Variants in PLIN2 observed in about 807,000 individuals in gnomAD.
PLIN2 encodes the protein perilipin-2.
A neutral mutation model predicts 30.6 loss-of-function variants in PLIN2; 33 were observed. That is an observed-to-expected ratio of 1.08 (90% CI 0.82 to 1.44). The LOEUF is 1.44. Ranked by LOEUF, PLIN2 falls within the 40% of genes most tolerant of loss-of-function variation. The probability of loss-of-function intolerance (pLI) is 0.00; values close to 1 mark genes in which losing one functional copy is unlikely to be tolerated. For missense variants in PLIN2, 610 were observed against 531.8 expected, an observed-to-expected ratio of 1.15 and a Z score of -1.45; for synonymous variants, 205 against 201.1, an observed-to-expected ratio of 1.02 and a Z score of -0.16.
chr9:19,123,456 G>C (rs1288741936), intron 4 of PLIN2, 109 bp downstream of exon 4: 1 of 1,574,826 alleles, frequency 6.3e-7, no homozygotes, highest in African/African-American at 1.3e-5. Context: ...CCAGATCCAG[G>C]TTGGGAAAAC....
chr9:19,108,828 A>C (rs1818124032), intron 2 of PLIN2: 1 of 152,586 alleles, frequency 6.6e-6, no homozygotes, highest in South Asian at 2.1e-4. Flanking sequence ...TGGAGACTTT[A>C]GTGCATGTAG....
At chr9:19,109,540 G>GA (rs34665873) in intron 2 of PLIN2, among the ~76,000 whole-genome samples, 91,471 of 127,372 alleles carry the variant, frequency 0.72, 32,398 homozygotes, top group Non-Finnish European at 0.75. Context: ...GACTCTGTCT[G>GA]AAAAAAAAAA....
rs1345672610 is a variant in PLIN2 at position 19,127,386 on chromosome 9, G to C, written c.-23+33C>G. On this transcript the variant is annotated intron_variant, in intron 1 of 7. Transcript: ENST00000276914. This position sits in a 1 kb window ranked among gnomAD's most constrained non-coding sequence, Gnocchi z 4.3. ...GGGCGCCGCTGGGGGCCCGGGACCG[G>C]TTCGCTGGGGCACCCACTGGGCGCG... The C allele has an allele frequency of 6.6e-6, 1 of 152,328 alleles. No homozygotes were observed. The highest frequency in any genetic ancestry group is 1.5e-5 in the Non-Finnish European group (1 of 68,168). 9.4% of individuals were successfully genotyped at this position (152,328 alleles called of 1,614,324 possible). A position where few individuals can be genotyped will look rare whatever the true frequency, so the allele number is the denominator to read the frequency against.
chr9:19,114,565 G>C (rs575212870), downstream of PLIN2, among the ~76,000 whole-genome samples: 1 of 152,048 alleles, frequency 6.6e-6, no homozygotes, highest in Non-Finnish European at 1.5e-5. Flanking sequence ...CACCAGGCCA[G>C]GCTAATTTTT....
intron 7 of PLIN2, among the ~76,000 whole-genome samples, chr9:19,117,275 C>G (rs1818243207): frequency 6.6e-6 from 1 of 152,054 alleles, no homozygotes; most frequent in African/African-American, 2.4e-5. Context: ...ATCCTCCCAC[C>G]TCAGCCTCTC....
rs751331606 is a variant in PLIN2 at position 19,119,794 on chromosome 9, A to T, written c.633T>A (p.Val211=). Residue 211 remains valine (V), a synonymous_variant, in exon 6 of 8, where the codon GTT becomes GTA. Transcript: ENST00000276914. ...GTCTAACATAATAACTTGGCTTCTG[A>T]ACCAGATCAAATCCTTCAACTTTTT... is the stretch of plus-strand genomic sequence containing the variant. ...EAKKVEGFDL[V]QKPSYYVRLG... 6.3e-7 allele frequency: 1 copy of T among 1,588,186 alleles called. No homozygotes were observed. The highest frequency in any genetic ancestry group is 1.1e-5 in the South Asian group (1 of 87,780).
intron 5 of PLIN2, 136 bp downstream of exon 5, chr9:19,120,744 G>T: frequency 1.5e-6 from 1 of 670,310 alleles, no homozygotes; most frequent in Non-Finnish European, 2.6e-6. Flanking sequence ...TGGGGTAGCA[G>T]AAGTGTTCTG....
chr9:19,116,465 A>T lies in PLIN2; in HGVS notation c.1097T>A (p.Val366Glu), dbSNP rs1818225687. Reference protein sequence around the residue: ...VFRNAASFKEVSDSLLTSSKG... With the variant: ...VFRNAASFKEESDSLLTSSKG... Reference sequence around the variant, plus strand: ...GCTAGAAGTGAGGAGGCTGTCAGACACTTCTTTAAAGGAGGCAGCATTGCG... The same window carrying T: ...GCTAGAAGTGAGGAGGCTGTCAGACTCTTCTTTAAAGGAGGCAGCATTGCG... The change falls in exon 8 of 8, where the codon GTG (valine) becomes GAG (glutamate). Residue 366 changes from valine to glutamate, a missense_variant. Physicochemically the swap from Val to Glu is moderately radical, Grantham distance 121. Coordinates refer to ENST00000276914, the MANE Select transcript of PLIN2 (RefSeq NM_001122.4). 2 of 1,614,162 alleles carry T rather than the reference A, an allele frequency of 1.2e-6. No homozygotes were observed. Among genetic ancestry groups the T allele is most frequent in the Non-Finnish European group, 1.7e-6 (2 of 1,180,016 alleles).
chr9:19,110,240 C>T (rs1459401588), intron 2 of PLIN2, among the ~76,000 whole-genome samples: 9 of 151,884 alleles, frequency 5.9e-5, no homozygotes, highest in African/African-American at 1.9e-4. Context: ...GTTGGCCAGG[C>T]TGGTCTCGAA....
chr9:19,121,761 G>T (rs1474421395), intron 4 of PLIN2, among the ~76,000 whole-genome samples: 1 of 152,012 alleles, frequency 6.6e-6, no homozygotes, highest in Admixed American at 6.6e-5. Context: ...GTGAAACCCC[G>T]TCTCTACTAA....
chr9:19,121,748 A>G (rs1212090481), intron 4 of PLIN2, among the ~76,000 whole-genome samples: 2 of 152,198 alleles, frequency 1.3e-5, no homozygotes, highest in African/African-American at 2.4e-5. Context: ...CCTCACCAAC[A>G]TGGTGAAACC....
chr9:19,116,211 T>C lies in PLIN2; in HGVS notation c.*37A>G. On this transcript the variant is annotated 3_prime_UTR_variant, in exon 8 of 8. Coordinates refer to ENST00000276914, the MANE Select transcript of PLIN2 (RefSeq NM_001122.4). ...TTTCAACATAACAAAAGGTGTCATCTGTCTGGCCACAGCATGCACTAGTGA... is the reference window on the plus strand; with the variant it reads ...TTTCAACATAACAAAAGGTGTCATCCGTCTGGCCACAGCATGCACTAGTGA... The C allele has an allele frequency of 2.0e-6, 3 of 1,517,392 alleles. No individual in the cohort carries two copies. Among genetic ancestry groups the C allele is most frequent in the African/African-American group, 1.4e-5 (1 of 71,966 alleles). 94.0% of individuals were successfully genotyped at this position (1,517,392 alleles called of 1,614,324 possible).
intron 1 of PLIN2, among the ~76,000 whole-genome samples, chr9:19,126,802 G>A (rs1035328590): frequency 6.6e-6 from 1 of 152,334 alleles, no homozygotes; most frequent in Non-Finnish European, 1.5e-5. Flanking sequence ...AGCACTTTGG[G>A]AGGCCGAGGG....
At chr9:19,122,437 G>A (rs934621244) in intron 4 of PLIN2, among the ~76,000 whole-genome samples, 6 of 151,834 alleles carry the variant, frequency 4.0e-5, no homozygotes, top group African/African-American at 1.5e-4. Flanking sequence ...AGTAGTCAGT[G>A]TAGTCATGCT....
downstream of PLIN2, among the ~76,000 whole-genome samples, chr9:19,114,372 T>C (rs1255355121): frequency 2.6e-5 from 4 of 152,218 alleles, no homozygotes; most frequent in African/African-American, 9.6e-5. Flanking sequence ...GCTTACCTTT[T>C]AGCAGGGACA....
chr9:19,113,925 C>A (rs1395189938), downstream of PLIN2, among the ~76,000 whole-genome samples: 1 of 151,930 alleles, frequency 6.6e-6, no homozygotes, highest in African/African-American at 2.4e-5. Context: ...CAGGTGCACG[C>A]CCCCATGCCC....
chr9:19,111,708 A>C (rs1383207003), downstream of PLIN2, among the ~76,000 whole-genome samples: 1 of 152,160 alleles, frequency 6.6e-6, no homozygotes, highest in African/African-American at 2.4e-5. Context: ...ACCAAGAAAG[A>C]TACCATAAAA....
At chr9:19,120,770 G>T in intron 5 of PLIN2, 110 bp downstream of exon 5, 1 of 838,232 alleles carries the variant, frequency 1.2e-6, no homozygotes, top group Non-Finnish European at 1.9e-6. Context: ...GGATTGCAGT[G>T]ATGCTTGCAC....
At chr9:19,118,502 A>G in intron 6 of PLIN2, 47 bp from the exon 7 acceptor site, 1 of 1,569,630 alleles carries the variant, frequency 6.4e-7, no homozygotes, top group Non-Finnish European at 8.6e-7. Flanking sequence ...TCAGATATTC[A>G]CGTTAGCCTG....
Sources: gnomAD v4.1 joint callset for allele counts (sites outside exome capture counted in the v4.1 genomes callset) on GRCh38, gnomAD v4.1.1 for gene constraint, Gnocchi (gnomAD v3.1) non-coding constraint, MANE v1.5 for transcripts, NCBI Gene and HGNC (gene_info 2026-07-23, HGNC 2026-07-21) for gene names.